NIBAN3: variants seen among roughly 807,000 people sequenced by gnomAD.
The protein encoded by NIBAN3 is niban apoptosis regulator 3.
In NIBAN3, 66 loss-of-function variants were observed where a neutral mutation model predicts 76.4. The observed-to-expected ratio is 0.86, with a 90% confidence interval of 0.71 to 1.06. The LOEUF (loss-of-function observed/expected upper bound fraction) is 1.06, where lower values mean the gene tolerates loss of function less well. Ranked by LOEUF, NIBAN3 falls within the 50% of genes least tolerant of loss-of-function variation. The pLI, the probability that NIBAN3 is intolerant of heterozygous loss-of-function variation, is 0.00. For missense variants in NIBAN3, 808 were observed against 810.7 expected, an observed-to-expected ratio of 1.00 and a Z score of 0.04; for synonymous variants, 360 against 355.2, an observed-to-expected ratio of 1.01 and a Z score of -0.15.
chr19:17,544,902 G>C (rs942689711), intron 12 of NIBAN3, among the ~76,000 whole-genome samples: 2 of 152,122 alleles, frequency 1.3e-5, no homozygotes, highest in African/African-American at 2.4e-5. Flanking sequence ...GAGAATATGG[G>C]CCACTGAGTC....
At position 17,539,711 on chromosome 19, in the gene NIBAN3, C is replaced by G; in HGVS notation, c.925C>G (p.Pro309Ala). ...TGCGTCGCTGGAGAAGACGATCCGC[C>G]CGGACGTGGACCAGCTGCTGCGGCA... ...LLASLEKTIR[P>A]DVDQLLRQRA... is the part of the protein sequence containing the mutation. Residue 309 changes from proline to alanine, a missense_variant, in exon 8 of 15, where the codon CCG becomes GCG. Physicochemically the swap from Pro to Ala is conservative, Grantham distance 27. Transcript: ENST00000599164. 1 of 1,549,442 alleles carries G rather than the reference C, an allele frequency of 6.5e-7. No individual in the cohort carries two copies.
In NIBAN3 at chr19:17,540,228, C is replaced by T. The variant is rs77003035; in HGVS notation, c.980-164C>T. 166 of 483,510 alleles carry T rather than the reference C, an allele frequency of 3.4e-4. No individual in the cohort carries two copies. The East Asian group carries it at 5.7e-3, about 17-fold the overall frequency. 30.0% of individuals were successfully genotyped at this position (483,510 alleles called of 1,614,324 possible). ...CCCTACAAAGACCCAGGTGGGAATCCTGACTGGGCCCGCCCCTCCGAGGCT... is the reference window on the plus strand; with the variant it reads ...CCCTACAAAGACCCAGGTGGGAATCTTGACTGGGCCCGCCCCTCCGAGGCT... On this transcript the variant is annotated intron_variant, in intron 8 of 14. Transcript: ENST00000599164.
At chr19:17,541,224 TAC>T (rs753871401) in intron 9 of NIBAN3, among the ~76,000 whole-genome samples, 37 of 105,582 alleles carry the variant, frequency 3.5e-4, no homozygotes, top group Non-Finnish European at 5.0e-4. Context: ...AATACATACA[TAC>T]ATATATACAT....
Position 17,527,301 on chromosome 19 carries a change from C to G in NIBAN3, c.-40C>G. ...TGAGCCGAGGAACGCAGGCGGTGGT[C>G]GTGGGGAAGGGAAGAGGAGCCCCGG... is the stretch of plus-strand genomic sequence containing the variant. On this transcript the variant is annotated 5_prime_UTR_variant, in exon 1 of 15. Transcript: ENST00000599164. 6.5e-7 allele frequency: 1 copy of G among 1,550,374 alleles called. No homozygotes were observed. The highest frequency in any genetic ancestry group is 8.7e-7 in the Non-Finnish European group (1 of 1,146,700).
chr19:17,531,280 T>C (rs1256704925), intron 2 of NIBAN3, among the ~76,000 whole-genome samples: 3 of 149,400 alleles, frequency 2.0e-5, no homozygotes, highest in Non-Finnish European at 4.4e-5. Flanking sequence ...TGAGCCCAGA[T>C]TGTGCCACTG....
At position 17,539,703 on chromosome 19, in the gene NIBAN3, C is replaced by G. The variant is rs759021096; in HGVS notation, c.917C>G (p.Thr306Arg). 3 of 1,550,772 alleles carry G rather than the reference C, an allele frequency of 1.9e-6. No homozygotes were observed. In the Admixed American group the frequency reaches 5.8e-5, roughly 30 times the overall value. The change falls in exon 8 of 15, where the codon ACG (threonine) becomes AGG (arginine). Residue 306 changes from threonine (T) to arginine (R), a missense_variant. Physicochemically the swap from Thr to Arg is moderately conservative, Grantham distance 71. Transcript: ENST00000599164. ...GAGCTGCTTGCGTCGCTGGAGAAGA[C>G]GATCCGCCCGGACGTGGACCAGCTG... ...KDELLASLEK[T>R]IRPDVDQLLR...
chr19:17,543,502 C>T, intron 11 of NIBAN3, 22 bp from the exon 12 acceptor site: 1 of 1,613,160 alleles, frequency 6.2e-7, no homozygotes. Context: ...TTGCTGGACG[C>T]ACCGCTGGGT....
intron 8 of NIBAN3, chr19:17,540,016 C>G (rs1257981909): frequency 1.3e-5 from 6 of 474,150 alleles, no homozygotes; most frequent in Non-Finnish European, 7.5e-6. Flanking sequence ...AAACCAGGTC[C>G]TAAGGGGGCT....
chr19:17,532,998 C>A (rs2075758093), intron 3 of NIBAN3, among the ~76,000 whole-genome samples: 1 of 152,036 alleles, frequency 6.6e-6, no homozygotes, highest in African/African-American at 2.4e-5. Flanking sequence ...GAGAGCCGGG[C>A]CTCGTGGCTC....
At chr19:17,551,532 C>T (rs566090979) in intron 14 of NIBAN3, among the ~76,000 whole-genome samples, 6 of 151,940 alleles carry the variant, frequency 3.9e-5, no homozygotes, top group Non-Finnish European at 8.8e-5. Flanking sequence ...CTCAGCCTCC[C>T]GAGTAGCTGG....
chr19:17,554,373 G>C (rs1293324829), downstream of NIBAN3, among the ~76,000 whole-genome samples: 1 of 151,258 alleles, frequency 6.6e-6, no homozygotes, highest in Non-Finnish European at 1.5e-5. Flanking sequence ...CCAGCTACTT[G>C]GGAGGCTGAG....
chr19:17,526,115 A>C (rs545190075), upstream of NIBAN3, among the ~76,000 whole-genome samples: 25 of 151,778 alleles, frequency 1.6e-4, no homozygotes, highest in South Asian at 2.1e-3. Flanking sequence ...AGTTTGAGAC[A>C]AGCCTGGCCA....
chr19:17,526,958 G>A (rs1433552586), upstream of NIBAN3, among the ~76,000 whole-genome samples: 4 of 151,982 alleles, frequency 2.6e-5, no homozygotes, highest in Non-Finnish European at 4.4e-5. Flanking sequence ...CAGTGCTGGT[G>A]GGGGGGTGTG....
rs914823511 is a variant in NIBAN3, at chr19:17,540,543, C to T, written c.1131C>T (p.Arg377=). ...AAGGCATGGACCGACTGTCCCACCG[C>T]CTGCGCCAGAGCCCCTCAGGCACGC... ...LAQGMDRLSH[R]LRQSPSGTRL... is the part of the protein sequence containing the mutation. The change falls in exon 9 of 15, where the codon CGC becomes CGT. Residue 377 remains arginine, a synonymous_variant. Coordinates refer to ENST00000599164, the MANE Select transcript of NIBAN3 (RefSeq NM_001321827.2). The T allele has an allele frequency of 2.6e-6, 4 of 1,562,962 alleles. No homozygotes were observed. Among genetic ancestry groups the T allele is most frequent in the Non-Finnish European group, 2.6e-6 (3 of 1,154,090 alleles).
intron 1 of NIBAN3, 143 bp downstream of exon 1, chr19:17,527,538 T>C: frequency 1.1e-6 from 1 of 890,402 alleles, no homozygotes; most frequent in South Asian, 1.9e-5. Context: ...TAATGTAAAT[T>C]TCACGCAGTG....
At chr19:17,530,276 G>A (rs534950149) in intron 1 of NIBAN3, among the ~76,000 whole-genome samples, 1 of 152,100 alleles carries the variant, frequency 6.6e-6, no homozygotes, top group Non-Finnish European at 1.5e-5. Context: ...AGCTGTGATC[G>A]TGCCAGCGCA....
In NIBAN3 at chr19:17,530,884, A is replaced by T. The variant is rs371886240; in HGVS notation, c.185A>T (p.Lys62Ile). 7 of 1,612,848 alleles carry T rather than the reference A, an allele frequency of 4.3e-6. No individual in the cohort carries two copies. Among genetic ancestry groups the T allele is most frequent in the Admixed American group, 1.7e-5 (1 of 59,954 alleles). ...ACCGGAAGCCAGTTGCTACGCAGCA[A>T]AGTGGGTGTTGTGGGGGCAGAGGAC... Reference protein sequence around the residue: ...EPTGSQLLRSKKLPRVREHRG... With the variant: ...EPTGSQLLRSIKLPRVREHRG... Residue 62 changes from lysine (K) to isoleucine (I), a missense_variant and splice_region_variant, in exon 2 of 15, where the codon AAA becomes ATA. Coordinates refer to ENST00000599164, the MANE Select transcript of NIBAN3 (RefSeq NM_001321827.2).
chr19:17,546,732 C>T lies in NIBAN3; in HGVS notation c.1601C>T (p.Ala534Val). ...GATGTCCTTGCCGTGGGCAGCCAGGCTCTGACCACTGAGGGCATCTATGAG... is the reference window on the plus strand; with the variant it reads ...GATGTCCTTGCCGTGGGCAGCCAGGTTCTGACCACTGAGGGCATCTATGAG... ...EGDVLAVGSQ[A>V]LTTEGIYEDV... Residue 534 changes from alanine (A) to valine (V), a missense_variant, in exon 13 of 15, where the codon GCT becomes GTT. By Grantham distance (64) the Ala-to-Val change is moderately conservative. Coordinates refer to ENST00000599164, the MANE Select transcript of NIBAN3 (RefSeq NM_001321827.2). 6.2e-7 allele frequency: 1 copy of T among 1,604,814 alleles called. No individual in the cohort carries two copies. The highest frequency in any genetic ancestry group is 1.1e-5 in the South Asian group (1 of 88,944).
intron 1 of NIBAN3, among the ~76,000 whole-genome samples, chr19:17,527,817 G>A (rs1240936890): frequency 4.6e-5 from 7 of 151,206 alleles, no homozygotes; most frequent in East Asian, 1.9e-4. Flanking sequence ...GCCTCAGCCC[G>A]AATAGCTGGG....
Sources: allele counts gnomAD v4.1 joint callset (sites outside exome capture counted in the v4.1 genomes callset), GRCh38; gene constraint gnomAD v4.1.1; transcripts MANE v1.5; gene names NCBI Gene and HGNC (gene_info 2026-07-23, HGNC 2026-07-21).